NMUR2: variants seen among roughly 807,000 people sequenced by gnomAD.
NMUR2 encodes neuromedin-U receptor 2.
A neutral mutation model predicts 25.1 loss-of-function variants in NMUR2; 24 were observed. The observed-to-expected ratio is 0.96, with a 90% CI of 0.69 to 1.34. NMUR2 has a LOEUF of 1.34. Ranked by LOEUF, NMUR2 falls within the 40% of genes most tolerant of loss-of-function variation. The pLI, the probability that NMUR2 is intolerant of heterozygous loss-of-function variation, is 0.00. For synonymous variants in NMUR2, 218 were observed against 208.1 expected, an observed-to-expected ratio of 1.05 and a Z score of -0.41; for missense variants, 533 against 512.8, an observed-to-expected ratio of 1.04 and a Z score of -0.38.
rs368679759 is a variant in NMUR2 at position 152,392,243 on chromosome 5, C to T, written c.1196G>A (p.Ser399Asn). The T allele has an allele frequency of 1.9e-6, 3 of 1,613,828 alleles. No homozygotes were observed. Among genetic ancestry groups the T allele is most frequent in the East Asian group, 2.2e-5 (1 of 44,886 alleles). ...HNSHLPAALS[S>N]EQMSRTNYQS... ...ATAGTTTGTTCTTGACATCTGTTCA[C>T]TAGAGAGGGCTGCTGGGAGGTGAGA... Residue 399 changes from serine (S) to asparagine (N), a missense_variant, in exon 4 of 4, where the codon AGT (serine) becomes AAT (asparagine). Physicochemically the swap from Ser to Asn is conservative, Grantham distance 46. Coordinates refer to ENST00000255262, the MANE Select transcript of NMUR2 (RefSeq NM_020167.5).
rs553596985 is a variant in NMUR2 at position 152,392,356 on chromosome 5, C to T, written c.1083G>A (p.Gln361=). 3 of 1,614,036 alleles carry T rather than the reference C, an allele frequency of 1.9e-6. No individual in the cohort carries two copies. Among genetic ancestry groups the T allele is most frequent in the African/African-American group, 2.7e-5 (2 of 75,014 alleles). ...SQHDPQLPPA[Q]RNIFLTECHF... ...GGCATTCTGTCAGGAAGATGTTCCG[C>T]TGGGCAGGTGGCAACTGTGGGTCAT... The change falls in exon 4 of 4, where the codon CAG becomes CAA. Residue 361 remains glutamine (Q), a synonymous_variant. Transcript: ENST00000255262.
At chr5:152,402,620 T>C (rs1397046441) in intron 1 of NMUR2, among the ~76,000 whole-genome samples, 1 of 152,206 alleles carries the variant, frequency 6.6e-6, no homozygotes, top group African/African-American at 2.4e-5. Flanking sequence ...GTGCATTTCC[T>C]ACTCAAAGTT....
At chr5:152,397,655 A>G (rs181526627) in intron 2 of NMUR2, among the ~76,000 whole-genome samples, 164 of 151,562 alleles carry the variant, frequency 1.1e-3, no homozygotes, top group African/African-American at 3.8e-3. Flanking sequence ...AAAGAAATCC[A>G]TAATACAAAT....
At chr5:152,399,319 A>C (rs1753216813) in intron 1 of NMUR2, among the ~76,000 whole-genome samples, 1 of 152,096 alleles carries the variant, frequency 6.6e-6, no homozygotes, top group Non-Finnish European at 1.5e-5. Flanking sequence ...CCCCATTCTT[A>C]GTCTTTAATT....
At chr5:152,403,709 TTA>T (rs1424200584) in intron 1 of NMUR2, among the ~76,000 whole-genome samples, 5 of 147,732 alleles carry the variant, frequency 3.4e-5, no homozygotes, top group Non-Finnish European at 7.4e-5. Context: ...TGATTATATA[TTA>T]TATATAACTA....
At position 152,395,946 on chromosome 5, in the gene NMUR2, T is replaced by C. The variant is rs147483719; in HGVS notation, c.812-362A>G. Among the ~76,000 whole-genome samples, 4 of 152,258 alleles carry C rather than the reference T, an allele frequency of 2.6e-5. No individual in the cohort carries two copies. The East Asian group carries it at 7.7e-4, about 29-fold the overall frequency. ...TGTATATAAATTCATCTTGTTGTTATAGGAATAATTAGAAGTTTCTCTGAA... is the reference window on the plus strand; with the variant it reads ...TGTATATAAATTCATCTTGTTGTTACAGGAATAATTAGAAGTTTCTCTGAA... On this transcript the variant is annotated intron_variant, in intron 2 of 3. Coordinates refer to ENST00000255262, the MANE Select transcript of NMUR2 (RefSeq NM_020167.5).
chr5:152,401,079 A>G (rs2113101541), intron 1 of NMUR2, among the ~76,000 whole-genome samples: 1 of 152,374 alleles, frequency 6.6e-6, no homozygotes, highest in East Asian at 1.9e-4. Context: ...TTGACAGAAT[A>G]GAATAGAATC....
In NMUR2 at chr5:152,398,117, C is replaced by A. The variant is rs1348124943; in HGVS notation, c.754G>T (p.Asp252Tyr). The A allele has an allele frequency of 6.2e-7, 1 of 1,613,192 alleles. No individual in the cohort carries two copies. The highest frequency in any genetic ancestry group is 1.3e-5 in the African/African-American group (1 of 74,904). The stretch of plus-strand genomic sequence containing the variant: ...CTTTGAATATTTGCATTCCCTTCAT[C>A]TGCCTCAAGAGATTTGTCTTTCTTT... The part of the protein sequence containing the change: ...RLKKDKSLEA[D>Y]EGNANIQRPC... Residue 252 changes from aspartate (D) to tyrosine (Y), a missense_variant, in exon 2 of 4, where the codon GAT becomes TAT. Physicochemically the swap from Asp to Tyr is radical, Grantham distance 160 (BLOSUM62 -3). Coordinates refer to ENST00000255262, the MANE Select transcript of NMUR2 (RefSeq NM_020167.5).
intron 1 of NMUR2, among the ~76,000 whole-genome samples, chr5:152,400,782 T>A (rs535882205): frequency 3.4e-4 from 52 of 152,228 alleles, no homozygotes; most frequent in Non-Finnish European, 6.5e-4. Flanking sequence ...TTGAGATATA[T>A]TAGTCACTTC....
chr5:152,398,757 T>A (rs1015199592), intron 1 of NMUR2, among the ~76,000 whole-genome samples: 2 of 152,160 alleles, frequency 1.3e-5, no homozygotes, highest in Admixed American at 6.5e-5. Context: ...TAAACAATAT[T>A]TTCCCCCAAC....
In NMUR2 at chr5:152,404,851, G is replaced by T. The variant is rs956073407; in HGVS notation, c.263C>A (p.Ala88Glu). 3 of 1,613,944 alleles carry T rather than the reference G, an allele frequency of 1.9e-6. No homozygotes were observed. Among genetic ancestry groups the T allele is most frequent in the East Asian group, 2.2e-5 (1 of 44,858 alleles). ...GAGCAGGACCAGGAGGTCAGAGACC[G>T]CCAGGCTGAAGAGGTAGTAGTTGGT... ...TPTNYYLFSLAVSDLLVLLLG... is the reference protein window; with the variant it reads ...TPTNYYLFSLEVSDLLVLLLG... The change falls in exon 1 of 4, where the codon GCG (alanine) becomes GAG (glutamate). Residue 88 changes from alanine (A) to glutamate (E), a missense_variant. Ala to Glu is a moderately radical substitution (Grantham distance 107). Coordinates refer to ENST00000255262, the MANE Select transcript of NMUR2 (RefSeq NM_020167.5).
intron 1 of NMUR2, among the ~76,000 whole-genome samples, chr5:152,403,192 T>C (rs1409763867): frequency 2.0e-5 from 3 of 152,164 alleles, no homozygotes; most frequent in African/African-American, 4.8e-5. Context: ...ACAGGGGACA[T>C]AGATAGGATC....
At chr5:152,397,012 G>GTTTTTTTTTTTTTTTTTTTT (rs769998163) in intron 2 of NMUR2, among the ~76,000 whole-genome samples, 18 of 105,728 alleles carry the variant, frequency 1.7e-4, no homozygotes, top group Non-Finnish European at 2.9e-4. Context: ...TGAGCTTCAT[G>GTTTTTTTTTTTTTTTTTTTT]TTTTTTTTTT....
At chr5:152,397,079 A>G (rs1753166819) in intron 2 of NMUR2, among the ~76,000 whole-genome samples, 1 of 148,538 alleles carries the variant, frequency 6.7e-6, no homozygotes, top group Admixed American at 7.0e-5. Flanking sequence ...ATAATGAAGA[A>G]ACTATGTTTC....
intron 1 of NMUR2, among the ~76,000 whole-genome samples, chr5:152,399,130 T>G (rs1460089720): frequency 6.6e-6 from 1 of 152,140 alleles, no homozygotes; most frequent in Admixed American, 6.5e-5. Flanking sequence ...ATTTTTTAAT[T>G]TGTGGGGATG....
Position 152,405,190 on chromosome 5 carries a change from A to T in NMUR2, c.-77T>A. 1 of 1,467,054 alleles carries T rather than the reference A, an allele frequency of 6.8e-7. No homozygotes were observed. The highest frequency in any genetic ancestry group is 9.1e-7 in the Non-Finnish European group (1 of 1,097,066). 90.9% of individuals were successfully genotyped at this position (1,467,054 alleles called of 1,614,324 possible). ...GCCAGGAAAAAAAAAAAAAAAAGAA[A>T]AAAGGAAAACAAAAAAGAGAAAGCA... On this transcript the variant is annotated 5_prime_UTR_variant, in exon 1 of 4. Transcript: ENST00000255262.
rs1258019928 is a variant in NMUR2, at chr5:152,404,427, C to T, written c.687G>A (p.Met229Ile). 1 of 1,613,930 alleles carries T rather than the reference C, an allele frequency of 6.2e-7. No individual in the cohort carries two copies. Among genetic ancestry groups the T allele is most frequent in the African/African-American group, 1.3e-5 (1 of 75,022 alleles). ...GGTAGTAGAGGACACTGATGACAGT[C>T]ATGGGGAGGAGGTAGAATAGGAAGG... ...VTSFLFYLLP[M>I]TVISVLYYLM... The change falls in exon 1 of 4, where the codon ATG (methionine) becomes ATA (isoleucine). Residue 229 changes from methionine (M) to isoleucine (I), a missense_variant. Transcript: ENST00000255262.
chr5:152,395,961 G>A (rs1753141253), intron 2 of NMUR2, among the ~76,000 whole-genome samples: 1 of 152,034 alleles, frequency 6.6e-6, no homozygotes, highest in Non-Finnish European at 1.5e-5. Context: ...ATAATTAGAA[G>A]TTTCTCTGAA....
At position 152,404,664 on chromosome 5, in the gene NMUR2, G is replaced by T. The variant is rs745877198; in HGVS notation, c.450C>A (p.His150Gln). The T allele has an allele frequency of 1.2e-6, 2 of 1,614,154 alleles. No homozygotes were observed. The highest frequency in any genetic ancestry group is 1.7e-6 in the Non-Finnish European group (2 of 1,180,034). The change falls in exon 1 of 4, where the codon CAC becomes CAA. Residue 150 changes from histidine (H) to glutamine (Q), a missense_variant. His to Gln is a conservative substitution (Grantham distance 24). Coordinates refer to ENST00000255262, the MANE Select transcript of NMUR2 (RefSeq NM_020167.5). ...VSVERYVAIL[H>Q]PFRAKLQSTR... is the part of the protein sequence containing the mutation. ...TGCTCTGCAGTTTGGCGCGGAACGG[G>T]TGTAGGATGGCCACGTAGCGCTCCA...
Sources: gnomAD v4.1 joint callset for allele counts (sites outside exome capture counted in the v4.1 genomes callset) on GRCh38, gnomAD v4.1.1 for gene constraint, MANE v1.5 for transcripts, NCBI Gene and HGNC (gene_info 2026-07-23, HGNC 2026-07-21) for gene names.